Variants in PHF21B observed in about 807,000 individuals in gnomAD.
PHF21B encodes the protein PHD finger protein 4.
Under a neutral mutation model 62.2 loss-of-function variants are expected in PHF21B, and 22 were observed. That is an observed-to-expected ratio of 0.35 (90% CI 0.25 to 0.51). The LOEUF is 0.51. PHF21B is among the 20% of genes least tolerant of loss of function. PHF21B has a pLI of 0.97. For missense variants in PHF21B, 701 were observed against 707.9 expected (o/e 0.99, Z 0.11); for synonymous variants, 341 against 314.7 (o/e 1.08, Z -0.88).
At chr22:44,967,371 T>A (rs2072548837) in intron 2 of PHF21B, among the ~76,000 whole-genome samples, 1 of 151,754 alleles carries the variant, frequency 6.6e-6, no homozygotes, top group African/African-American at 2.4e-5. Flanking sequence ...CAGGTGCCCA[T>A]CACCACACCT....
intron 2 of PHF21B, among the ~76,000 whole-genome samples, chr22:44,944,250 C>T (rs1469543157): frequency 1.3e-5 from 2 of 152,198 alleles, no homozygotes; most frequent in Admixed American, 6.5e-5. Flanking sequence ...CTGAAAACCA[C>T]GTCCTTTCAA....
intron 2 of PHF21B, among the ~76,000 whole-genome samples, chr22:44,980,950 C>T (rs1175671997): frequency 6.6e-6 from 1 of 152,236 alleles, no homozygotes; most frequent in Non-Finnish European, 1.5e-5. Context: ...TTTAGACTTG[C>T]TAATCAAATC....
intron 2 of PHF21B, among the ~76,000 whole-genome samples, chr22:44,959,721 T>C (rs1197924192): frequency 1.3e-5 from 2 of 152,110 alleles, no homozygotes; most frequent in East Asian, 1.9e-4. Context: ...AAAGTCTTCA[T>C]GGAGGAGCTG....
intron 2 of PHF21B, among the ~76,000 whole-genome samples, chr22:44,991,244 T>C (rs993939280): frequency 6.6e-6 from 1 of 152,184 alleles, no homozygotes; most frequent in East Asian, 1.9e-4. Flanking sequence ...ATGTGCACGC[T>C]ATTAAGAATT....
chr22:44,997,832 G>A (rs965579076), intron 2 of PHF21B, among the ~76,000 whole-genome samples: 11 of 152,130 alleles, frequency 7.2e-5, no homozygotes, highest in South Asian at 2.1e-4. Context: ...ACCCAGGGGC[G>A]GCCTCCTCAG....
At chr22:44,920,725 C>T (rs2071520405) in intron 2 of PHF21B, among the ~76,000 whole-genome samples, 1 of 152,232 alleles carries the variant, frequency 6.6e-6, no homozygotes. Flanking sequence ...CCCTTTGTTA[C>T]ACATTGGCTT....
intron 2 of PHF21B, chr22:44,933,612 C>T (rs773617256): frequency 2.5e-5 from 22 of 881,590 alleles, no homozygotes; most frequent in Non-Finnish European, 3.0e-5. Flanking sequence ...AAGGGGTAAG[C>T]GTTAAGTGGG....
chr22:44,928,162 G>T, intron 2 of PHF21B, among the ~76,000 whole-genome samples: 1 of 152,124 alleles, frequency 6.6e-6, no homozygotes, highest in Non-Finnish European at 1.5e-5. Flanking sequence ...TTCCAGCGCT[G>T]GCTTTGACAT....
At chr22:44,899,636 T>C (rs530778390) in intron 5 of PHF21B, among the ~76,000 whole-genome samples, 2 of 151,886 alleles carry the variant, frequency 1.3e-5, no homozygotes, top group South Asian at 4.2e-4. Context: ...TCTCCTTCCT[T>C]CTTCTTCTCC....
At chr22:44,902,054 AG>A in intron 5 of PHF21B, 1 of 233,074 alleles carries the variant, frequency 4.3e-6, no homozygotes, top group Non-Finnish European at 9.1e-6. Context: ...CAGAGGCAAG[AG>A]GGCGGTTCTC....
chr22:44,909,013 G>C (rs2071300158), intron 5 of PHF21B, among the ~76,000 whole-genome samples: 1 of 152,156 alleles, frequency 6.6e-6, no homozygotes, highest in African/African-American at 2.4e-5. Context: ...GACCAGGCTG[G>C]TCTTGAACTC....
chr22:44,929,777 C>G (rs1270331177), intron 2 of PHF21B, among the ~76,000 whole-genome samples: 1 of 152,220 alleles, frequency 6.6e-6, no homozygotes, highest in Non-Finnish European at 1.5e-5. Context: ...CTCAGTCCTG[C>G]GCGCCTCTGT....
intron 5 of PHF21B, chr22:44,901,843 T>C (rs530063054): frequency 2.0e-4 from 54 of 270,992 alleles, no homozygotes; most frequent in Non-Finnish European, 3.1e-4. Context: ...AGAAGGTTCT[T>C]GCAACTGTTA....
At chr22:44,900,450 G>A (rs371163816) in intron 5 of PHF21B, among the ~76,000 whole-genome samples, 4 of 152,038 alleles carry the variant, frequency 2.6e-5, no homozygotes, top group South Asian at 2.1e-4. Flanking sequence ...ACAGGCACCC[G>A]CCACCACGCC....
chr22:44,922,568 G>A (rs901180711), intron 2 of PHF21B, among the ~76,000 whole-genome samples: 5 of 151,748 alleles, frequency 3.3e-5, no homozygotes, highest in Non-Finnish European at 7.4e-5. Flanking sequence ...GGAGGTGGAG[G>A]TTGCAGTGAG....
intron 2 of PHF21B, among the ~76,000 whole-genome samples, chr22:44,931,430 C>T (rs1463761365): frequency 6.6e-6 from 1 of 152,168 alleles, no homozygotes; most frequent in Non-Finnish European, 1.5e-5. Context: ...CTTAACCAAT[C>T]GCAGAGGCCT....
chr22:45,001,030 C>T (rs1329196349), intron 2 of PHF21B: 1 of 152,274 alleles, frequency 6.6e-6, no homozygotes, highest in Admixed American at 6.5e-5. Context: ...TCAGCCAAGA[C>T]ACAGGAAGCT....
At chr22:44,925,567 C>A (rs1186840503) in intron 2 of PHF21B, among the ~76,000 whole-genome samples, 1 of 152,158 alleles carries the variant, frequency 6.6e-6, no homozygotes, top group Non-Finnish European at 1.5e-5. Context: ...CCCTGGATAT[C>A]CACTTTGGAC....
At chr22:44,997,531 T>A (rs1330186817) in intron 2 of PHF21B, among the ~76,000 whole-genome samples, 1 of 152,210 alleles carries the variant, frequency 6.6e-6, no homozygotes, top group African/African-American at 2.4e-5. Context: ...TTATTACCAC[T>A]GAGACGCATT....
Sources: allele counts gnomAD v4.1 joint callset (sites outside exome capture counted in the v4.1 genomes callset), GRCh38; gene constraint gnomAD v4.1.1; transcripts MANE v1.5; gene names NCBI Gene and HGNC (gene_info 2026-07-23, HGNC 2026-07-21).